GRM7: variants seen among roughly 807,000 people sequenced by gnomAD.
GRM7 encodes the protein metabotropic glutamate receptor 7.
A neutral mutation model predicts 84.5 loss-of-function variants in GRM7; 35 were observed. The ratio of observed to expected loss-of-function variants is 0.41; its 90% CI spans 0.32 to 0.55. The LOEUF is 0.55. GRM7 is among the 20% of genes least tolerant of loss of function. The pLI, the probability that GRM7 is intolerant of heterozygous loss-of-function variation, is 0.19. For synonymous variants in GRM7, 487 were observed against 455.1 expected (o/e 1.07, Z -0.89); for missense variants, 1,003 against 1,194.6 (o/e 0.84, Z 2.36).
intron 8 of GRM7, among the ~76,000 whole-genome samples, chr3:7,615,733 AAGGGG>A (rs1196755876): frequency 6.6e-6 from 1 of 152,032 alleles, no homozygotes; most frequent in Non-Finnish European, 1.5e-5. Flanking sequence ...ATAAAATAGA[AAGGGG>A]AGGAGGAGGG....
chr3:7,176,232 A>T (rs1345829447), intron 2 of GRM7, among the ~76,000 whole-genome samples: 2 of 29,050 alleles, frequency 6.9e-5, no homozygotes, highest in East Asian at 1.1e-3. Context: ...TAAAAAGTAA[A>T]AAAAAAAAAA....
intron 8 of GRM7, among the ~76,000 whole-genome samples, chr3:7,631,249 T>C (rs1697846608): frequency 6.6e-6 from 1 of 152,192 alleles, no homozygotes; most frequent in Admixed American, 6.5e-5. Context: ...GGGAAGCCTG[T>C]TTCTGCTGCA....
intron 9 of GRM7, among the ~76,000 whole-genome samples, chr3:7,689,331 C>T (rs1412924869): frequency 1.3e-5 from 2 of 152,254 alleles, no homozygotes; most frequent in Non-Finnish European, 2.9e-5. Context: ...GTTTTCGTAT[C>T]ATGTTGGGAC....
At chr3:7,236,135 T>C (rs1301897845) in intron 2 of GRM7, among the ~76,000 whole-genome samples, 1 of 152,120 alleles carries the variant, frequency 6.6e-6, no homozygotes, top group East Asian at 1.9e-4. Context: ...AGGTCACTAA[T>C]ACCATTTATA....
chr3:6,912,428 G>C (rs1176541861), intron 1 of GRM7, among the ~76,000 whole-genome samples: 7 of 152,160 alleles, frequency 4.6e-5, no homozygotes, highest in African/African-American at 1.7e-4. Flanking sequence ...CCTACTTTCA[G>C]CTGTGCCATT....
intron 1 of GRM7, among the ~76,000 whole-genome samples, chr3:6,969,482 C>T (rs1173691225): frequency 6.6e-6 from 1 of 152,204 alleles, no homozygotes; most frequent in Non-Finnish European, 1.5e-5. Flanking sequence ...TTGAATCCAA[C>T]TCTACTGATG....
At chr3:7,569,847 A>C (rs1296157454) in intron 7 of GRM7, among the ~76,000 whole-genome samples, 1 of 152,118 alleles carries the variant, frequency 6.6e-6, no homozygotes, top group Non-Finnish European at 1.5e-5. Flanking sequence ...AACTCTGAAC[A>C]CATCCAAATA....
At chr3:6,945,372 C>T (rs1158266886) in intron 1 of GRM7, among the ~76,000 whole-genome samples, 29 of 152,106 alleles carry the variant, frequency 1.9e-4, no homozygotes, top group African/African-American at 5.5e-4. Context: ...TTCATTCATG[C>T]CCCTACAAAG....
chr3:7,406,098 C>G (rs188437256), intron 4 of GRM7, among the ~76,000 whole-genome samples: 1 of 152,086 alleles, frequency 6.6e-6, no homozygotes, highest in Non-Finnish European at 1.5e-5. Flanking sequence ...TGGCTGCATA[C>G]TACTTCAACA....
intron 1 of GRM7, among the ~76,000 whole-genome samples, chr3:7,094,250 T>G (rs73115053): frequency 0.028 from 4,234 of 152,152 alleles, 194 homozygotes; most frequent in African/African-American, 0.097. Context: ...TTTATAAAAA[T>G]AAAGAATGAG....
intron 7 of GRM7, among the ~76,000 whole-genome samples, chr3:7,474,055 T>G (rs919960316): frequency 2.0e-5 from 3 of 152,140 alleles, no homozygotes; most frequent in Non-Finnish European, 4.4e-5. Flanking sequence ...TTCTACAGAG[T>G]TCTCTGACAC....
At chr3:7,676,438 A>G (rs1700124348) in intron 8 of GRM7, among the ~76,000 whole-genome samples, 1 of 152,110 alleles carries the variant, frequency 6.6e-6, no homozygotes, top group Admixed American at 6.5e-5. Context: ...TATCATGCTT[A>G]TTCTTTGTTT....
chr3:7,287,503 AG>A, intron 2 of GRM7, among the ~76,000 whole-genome samples: 1 of 152,276 alleles, frequency 6.6e-6, no homozygotes, highest in East Asian at 1.9e-4. Context: ...CCAGAGGTGA[AG>A]AATGTGATGT....
At chr3:7,423,812 C>T (rs1462842900) in intron 5 of GRM7, among the ~76,000 whole-genome samples, 2 of 151,968 alleles carry the variant, frequency 1.3e-5, no homozygotes, top group African/African-American at 2.4e-5. Flanking sequence ...TAACTTTGTC[C>T]CCCTGATTCT....
chr3:7,335,432 G>A (rs1054051250), intron 4 of GRM7, among the ~76,000 whole-genome samples: 6 of 151,952 alleles, frequency 3.9e-5, no homozygotes, highest in African/African-American at 1.4e-4. Flanking sequence ...AAAGTTTATA[G>A]CATTAAATGC....
chr3:7,199,784 A>C (rs1473020561), intron 2 of GRM7, among the ~76,000 whole-genome samples: 1 of 152,142 alleles, frequency 6.6e-6, no homozygotes, highest in African/African-American at 2.4e-5. Context: ...GGTACCCAAT[A>C]ATTTTTCTCT....
intron 8 of GRM7, among the ~76,000 whole-genome samples, chr3:7,665,975 A>T (rs1304823827): frequency 6.6e-6 from 1 of 152,178 alleles, no homozygotes; most frequent in Non-Finnish European, 1.5e-5. Flanking sequence ...TGAAGGCTTC[A>T]TTTTTGATAG....
At chr3:7,199,431 G>A (rs1345481526) in intron 2 of GRM7, among the ~76,000 whole-genome samples, 1 of 152,140 alleles carries the variant, frequency 6.6e-6, no homozygotes, top group Non-Finnish European at 1.5e-5. Flanking sequence ...CTGAATCCCT[G>A]ACCCACAAAA....
At chr3:6,963,448 A>T (rs900502330) in intron 1 of GRM7, among the ~76,000 whole-genome samples, 1 of 152,196 alleles carries the variant, frequency 6.6e-6, no homozygotes, top group Non-Finnish European at 1.5e-5. Flanking sequence ...GATGTAAACC[A>T]ACACTAACTG....
Sources: gnomAD v4.1 joint callset for allele counts (sites outside exome capture counted in the v4.1 genomes callset) on GRCh38, gnomAD v4.1.1 for gene constraint, MANE v1.5 for transcripts, NCBI Gene and HGNC (gene_info 2026-07-23, HGNC 2026-07-21) for gene names.